Variants in MCC observed in about 807,000 individuals in gnomAD.
The protein encoded by MCC is colorectal mutant cancer protein.
Under a neutral mutation model 116.2 loss-of-function variants are expected in MCC, and 90 were observed. The ratio of observed to expected loss-of-function variants is 0.77; its 90% CI spans 0.65 to 0.92. MCC has a LOEUF of 0.92. Among genes scored for constraint, MCC ranks in the 40% least tolerant of loss-of-function variants. MCC has a pLI of 0.00. For synonymous variants in MCC, 578 were observed against 510.5 expected (o/e 1.13, Z -1.78); for missense variants, 1,516 against 1,312.2 (o/e 1.16, Z -2.40).
At chr5:113,444,105 A>T (rs530839366) in intron 1 of MCC, among the ~76,000 whole-genome samples, 1 of 151,946 alleles carries the variant, frequency 6.6e-6, no homozygotes, top group South Asian at 2.1e-4. Context: ...TTGGCCTCCC[A>T]AAGTGCTGGG....
chr5:113,040,834 G>T (rs1281981130), intron 17 of MCC, among the ~76,000 whole-genome samples: 1 of 152,150 alleles, frequency 6.6e-6, no homozygotes, highest in African/African-American at 2.4e-5. Context: ...GAAATCCATT[G>T]TGACTGACAG....
intron 2 of MCC, among the ~76,000 whole-genome samples, chr5:113,369,313 C>A (rs1768781626): frequency 6.6e-6 from 1 of 152,096 alleles, no homozygotes; most frequent in Non-Finnish European, 1.5e-5. Context: ...AACCATCAGT[C>A]AACTCATTAG....
intron 17 of MCC, among the ~76,000 whole-genome samples, chr5:113,042,697 A>T (rs897863279): frequency 2.0e-5 from 3 of 151,826 alleles, no homozygotes; most frequent in African/African-American, 7.3e-5. Flanking sequence ...CCACAACCAT[A>T]TGTGGCTCTT....
At chr5:113,164,349 T>C (rs1258480055) in intron 3 of MCC, among the ~76,000 whole-genome samples, 1 of 152,226 alleles carries the variant, frequency 6.6e-6, no homozygotes, top group African/African-American at 2.4e-5. Flanking sequence ...ACTTGTCCCA[T>C]TGGTCTAGTT....
chr5:113,027,171 T>G lies in MCC; in HGVS notation c.*131A>C. The G allele has an allele frequency of 1.1e-6, 1 of 894,768 alleles. No homozygotes were observed. The highest frequency in any genetic ancestry group is 1.7e-6 in the Non-Finnish European group (1 of 596,788). The allele number at this position is 894,768 out of a possible 1,614,324, so 55.4% of individuals were successfully genotyped here. ...CCAAGGGTTGAGTTGGGGCACTCCATTGTCCAAGTGCCGACCTACCTGCCA... is the reference window on the plus strand; with the variant it reads ...CCAAGGGTTGAGTTGGGGCACTCCAGTGTCCAAGTGCCGACCTACCTGCCA... On this transcript the variant is annotated 3_prime_UTR_variant, in exon 19 of 19. Transcript: ENST00000408903.
At chr5:113,468,265 T>C (rs1357403287) in intron 1 of MCC, among the ~76,000 whole-genome samples, 2 of 152,202 alleles carry the variant, frequency 1.3e-5, no homozygotes, top group Non-Finnish European at 2.9e-5. Context: ...GTGCCAGTTT[T>C]CAAAGGGAAT....
At chr5:113,177,100 C>G (rs1761375942) in intron 3 of MCC, among the ~76,000 whole-genome samples, 1 of 152,174 alleles carries the variant, frequency 6.6e-6, no homozygotes, top group Admixed American at 6.5e-5. Flanking sequence ...CTGCTCCCAC[C>G]CCCACACCAT....
chr5:113,130,854 A>C (rs1255066051), intron 5 of MCC, among the ~76,000 whole-genome samples: 1 of 152,080 alleles, frequency 6.6e-6, no homozygotes, highest in Non-Finnish European at 1.5e-5. Context: ...GAGCCAAATA[A>C]ACCTCTTCTA....
At chr5:113,394,013 A>T (rs1384542911) in intron 1 of MCC, among the ~76,000 whole-genome samples, 1 of 152,152 alleles carries the variant, frequency 6.6e-6, no homozygotes, top group African/African-American at 2.4e-5. Context: ...CCAAATTTCT[A>T]TCTTCAATTA....
At chr5:113,346,532 G>A (rs1450611313) in intron 2 of MCC, among the ~76,000 whole-genome samples, 1 of 151,992 alleles carries the variant, frequency 6.6e-6, no homozygotes, top group East Asian at 1.9e-4. Flanking sequence ...CCTGGGAGGT[G>A]GAAGTCGCAG....
At chr5:113,067,936 C>A in intron 13 of MCC, 144 bp downstream of exon 13, 1 of 663,068 alleles carries the variant, frequency 1.5e-6, no homozygotes, top group Non-Finnish European at 2.8e-6. Context: ...TTTACCCATT[C>A]AGTCATGAGG....
intron 3 of MCC, among the ~76,000 whole-genome samples, chr5:113,249,410 A>G (rs940809966): frequency 1.1e-4 from 16 of 152,178 alleles, no homozygotes; most frequent in Admixed American, 9.2e-4. Flanking sequence ...ACAATTCCTT[A>G]TATCTCTGCA....
chr5:113,060,491 G>C (rs1392341084), intron 14 of MCC, among the ~76,000 whole-genome samples: 1 of 152,108 alleles, frequency 6.6e-6, no homozygotes, highest in Non-Finnish European at 1.5e-5. Context: ...CCTGGGGGTG[G>C]GCATCTGTTT....
intron 8 of MCC, among the ~76,000 whole-genome samples, chr5:113,093,251 T>C (rs1217647395): frequency 1.3e-5 from 2 of 152,148 alleles, no homozygotes; most frequent in Admixed American, 6.5e-5. Context: ...AATATAATTA[T>C]CTTCTCTCTC....
intron 1 of MCC, among the ~76,000 whole-genome samples, chr5:113,482,663 G>A (rs1175103235): frequency 2.6e-5 from 4 of 152,038 alleles, no homozygotes; most frequent in Non-Finnish European, 5.9e-5. Context: ...TCCTTTATCA[G>A]ATGTACAATT....
intron 8 of MCC, among the ~76,000 whole-genome samples, chr5:113,089,704 T>A (rs1755463903): frequency 6.6e-6 from 1 of 152,250 alleles, no homozygotes; most frequent in South Asian, 2.1e-4. Context: ...TTAATTGTAT[T>A]GTATTTTACT....
At chr5:113,139,268 T>C (rs1759033290) in intron 5 of MCC, among the ~76,000 whole-genome samples, 1 of 152,218 alleles carries the variant, frequency 6.6e-6, no homozygotes, top group South Asian at 2.1e-4. Flanking sequence ...CTAGCAAAGT[T>C]CTGGCATTTC....
At chr5:113,308,913 C>T (rs757127412) in intron 3 of MCC, among the ~76,000 whole-genome samples, 7 of 152,096 alleles carry the variant, frequency 4.6e-5, no homozygotes, top group Non-Finnish European at 1.0e-4. Context: ...GAGGGACTAA[C>T]ATTTTGATTT....
chr5:113,071,134 C>A lies in MCC; in HGVS notation c.1885G>T (p.Glu629Ter). 1 of 1,614,086 alleles carries A rather than the reference C, an allele frequency of 6.2e-7. No homozygotes were observed. Among genetic ancestry groups the A allele is most frequent in the Non-Finnish European group, 8.5e-7 (1 of 1,180,020 alleles). Residue 629 changes from glutamate to a stop codon, truncating the protein, a stop_gained, in exon 12 of 19, where the codon GAA (glutamate) becomes TAA (stop). Coordinates refer to ENST00000408903, the MANE Select transcript of MCC (RefSeq NM_001085377.2). LOFTEE classifies it high-confidence loss of function. ...ERMSMLVGKYESNATALRLAL... is the reference protein window; with the variant it reads ...ERMSMLVGKY ...AGCCTCAGCGCTGTGGCATTGGATT[C>A]GTATTTTCCCACCAGCATGCTCATC...
Sources: allele counts gnomAD v4.1 joint callset (sites outside exome capture counted in the v4.1 genomes callset), GRCh38; gene constraint gnomAD v4.1.1; transcripts MANE v1.5; gene names NCBI Gene and HGNC (gene_info 2026-07-23, HGNC 2026-07-21).